The following WWOX variants were observed in gnomAD, a reference collection of about 807,000 sequenced individuals.
WWOX encodes the protein WW domain-containing oxidoreductase.
WWOX carries 69 observed loss-of-function variants against 46.2 expected under a neutral mutation model. That is an observed-to-expected ratio of 1.49 (90% CI 1.23 to 1.82). The LOEUF (loss-of-function observed/expected upper bound fraction) is 1.82, where lower values mean the gene tolerates loss of function less well. WWOX is among the 40% of genes most tolerant of loss of function. The probability of loss-of-function intolerance (pLI) is 0.00; values close to 1 mark genes in which losing one functional copy is unlikely to be tolerated. For synonymous variants in WWOX, 359 were observed against 202.6 expected, an observed-to-expected ratio of 1.77 and a Z score of -6.56; for missense variants, 919 against 542.6, an observed-to-expected ratio of 1.69 and a Z score of -6.89.
At chr16:78,936,084 T>C (rs8047671) in intron 8 of WWOX, among the ~76,000 whole-genome samples, 68,044 of 151,662 alleles carry the variant, frequency 0.45, 15,814 homozygotes, top group Non-Finnish European at 0.51. Context: ...GGGTAAGTAA[T>C]TGGTTGTGAT....
At chr16:78,697,293 T>C (rs1331732244) in intron 8 of WWOX, among the ~76,000 whole-genome samples, 1 of 152,206 alleles carries the variant, frequency 6.6e-6, no homozygotes, top group Admixed American at 6.5e-5. Context: ...AGTGTAGAAG[T>C]GTTCCCTGCT....
intron 8 of WWOX, among the ~76,000 whole-genome samples, chr16:79,121,917 C>T (rs971894120): frequency 2.6e-5 from 4 of 152,068 alleles, no homozygotes; most frequent in African/African-American, 7.2e-5. Flanking sequence ...CCATCCAGCC[C>T]CCAGCCCCAG....
intron 4 of WWOX, among the ~76,000 whole-genome samples, chr16:78,115,559 A>G (rs903608849): frequency 5.3e-5 from 8 of 152,226 alleles, no homozygotes; most frequent in Non-Finnish European, 1.2e-4. Context: ...AAAGGATACT[A>G]CAGGTTTCGA....
intron 8 of WWOX, among the ~76,000 whole-genome samples, chr16:78,704,515 C>G (rs1038621234): frequency 6.6e-6 from 1 of 152,126 alleles, no homozygotes; most frequent in South Asian, 2.1e-4. Flanking sequence ...TGAGCAACAA[C>G]GAGACTTAGT....
chr16:78,781,774 C>T (rs1047172593), intron 8 of WWOX, among the ~76,000 whole-genome samples: 1 of 152,088 alleles, frequency 6.6e-6, no homozygotes, highest in Non-Finnish European at 1.5e-5. Context: ...GGCTCCATCT[C>T]AAATAAAATT....
chr16:79,008,908 C>A (rs186604440), intron 8 of WWOX, among the ~76,000 whole-genome samples: 4 of 152,118 alleles, frequency 2.6e-5, no homozygotes, highest in Non-Finnish European at 4.4e-5. Context: ...CACACAAAGG[C>A]GAGCTAAAAA....
At chr16:79,210,857 T>G (rs1457603230) in intron 8 of WWOX, among the ~76,000 whole-genome samples, 2 of 152,172 alleles carry the variant, frequency 1.3e-5, no homozygotes, top group Admixed American at 6.5e-5. Flanking sequence ...TGAATGAAAG[T>G]GATCAGCTGC....
chr16:78,582,176 T>A (rs2045073549), intron 8 of WWOX, among the ~76,000 whole-genome samples: 2 of 152,172 alleles, frequency 1.3e-5, no homozygotes, highest in Admixed American at 6.5e-5. Context: ...AGTGAATTAT[T>A]GATTGGATTT....
chr16:78,504,576 C>T (rs981569594), intron 8 of WWOX, among the ~76,000 whole-genome samples: 1 of 152,170 alleles, frequency 6.6e-6, no homozygotes, highest in Non-Finnish European at 1.5e-5. Context: ...CAGAAGTGGG[C>T]GTCGTGATGC....
intron 8 of WWOX, among the ~76,000 whole-genome samples, chr16:79,006,667 C>T (rs573349555): frequency 5.9e-5 from 9 of 152,152 alleles, no homozygotes; most frequent in African/African-American, 9.7e-5. Flanking sequence ...AGGTCTCACT[C>T]GGCTAAGATC....
chr16:78,450,614 C>A (rs1370277969), intron 8 of WWOX, among the ~76,000 whole-genome samples: 3 of 152,140 alleles, frequency 2.0e-5, no homozygotes, highest in African/African-American at 7.2e-5. Context: ...AATTTGGGAA[C>A]TTAAACTTTT....
chr16:78,335,998 A>G (rs2080880405), intron 5 of WWOX, among the ~76,000 whole-genome samples: 1 of 152,152 alleles, frequency 6.6e-6, no homozygotes, highest in African/African-American at 2.4e-5. Context: ...AGGCTGGGGC[A>G]GGAGAATCGC....
intron 8 of WWOX, among the ~76,000 whole-genome samples, chr16:78,951,925 C>T (rs909181807): frequency 6.6e-6 from 1 of 152,126 alleles, no homozygotes; most frequent in African/African-American, 2.4e-5. Flanking sequence ...CCATTGTTTC[C>T]TTCCATAATA....
chr16:78,333,828 T>G lies in WWOX; in HGVS notation c.517-53032T>G, dbSNP rs552489285. 9.2e-5 allele frequency among the ~76,000 whole-genome samples: 14 copies of G among 152,328 alleles called. No individual in the cohort carries two copies. In the South Asian group the frequency reaches 2.9e-3, roughly 32 times the overall value. On this transcript the variant is annotated intron_variant, in intron 5 of 8. Transcript: ENST00000566780. ...AAGACATACTTGAATTTTAAATAGT[T>G]AATCCATTTAAGAAGTTTCATTTAA...
chr16:78,387,895 T>C (rs1216881965), intron 6 of WWOX, among the ~76,000 whole-genome samples: 2 of 152,054 alleles, frequency 1.3e-5, no homozygotes, highest in Non-Finnish European at 2.9e-5. Flanking sequence ...TGTGGAGAGC[T>C]CTCATAAATG....
chr16:78,696,661 A>T (rs1402698677), intron 8 of WWOX, among the ~76,000 whole-genome samples: 2 of 151,352 alleles, frequency 1.3e-5, no homozygotes, highest in East Asian at 3.9e-4. Context: ...ATTTTCTTTA[A>T]TTTTTTTAAA....
intron 8 of WWOX, among the ~76,000 whole-genome samples, chr16:79,198,231 G>A (rs969684926): frequency 2.6e-5 from 4 of 152,044 alleles, no homozygotes; most frequent in Non-Finnish European, 2.9e-5. Flanking sequence ...CCAGCTACTC[G>A]GGAGGCTGAG....
intron 8 of WWOX, among the ~76,000 whole-genome samples, chr16:78,592,155 T>G (rs1302170857): frequency 6.6e-6 from 1 of 152,224 alleles, no homozygotes; most frequent in African/African-American, 2.4e-5. Flanking sequence ...AAGAACAGCA[T>G]GGTACAAAAA....
chr16:78,664,637 C>A (rs148975208), intron 8 of WWOX, among the ~76,000 whole-genome samples: 1 of 152,114 alleles, frequency 6.6e-6, no homozygotes, highest in Admixed American at 6.6e-5. Flanking sequence ...CAGATGAGCC[C>A]GGTGTATCCG....
Sources: allele counts gnomAD v4.1 joint callset (sites outside exome capture counted in the v4.1 genomes callset), GRCh38; gene constraint gnomAD v4.1.1; transcripts MANE v1.5; gene names NCBI Gene and HGNC (gene_info 2026-07-23, HGNC 2026-07-21).